Variants in DLG2 observed in about 807,000 individuals in gnomAD.
DLG2 encodes discs large MAGUK scaffold protein 2, also known as disks large homolog 2.
DLG2 carries 45 observed loss-of-function variants against 132.5 expected under a neutral mutation model. The ratio of observed to expected loss-of-function variants is 0.34; its 90% CI spans 0.27 to 0.44. DLG2 has a LOEUF of 0.44. Among genes scored for constraint, DLG2 ranks in the 20% least tolerant of loss-of-function variants. DLG2 has a pLI of 1.00. For missense variants in DLG2, 1,045 were observed against 1,196.9 expected (o/e 0.87, Z 1.87); for synonymous variants, 424 against 419.6 (o/e 1.01, Z -0.13).
chr11:83,717,252 A>C (rs1309075625), intron 18 of DLG2, among the ~76,000 whole-genome samples: 4 of 152,226 alleles, frequency 2.6e-5, no homozygotes, highest in African/African-American at 9.6e-5. Flanking sequence ...ATTAAAAAGC[A>C]ACACTCTGCA....
chr11:84,698,062 T>C (rs2058804055), intron 6 of DLG2, among the ~76,000 whole-genome samples: 1 of 151,546 alleles, frequency 6.6e-6, no homozygotes, highest in African/African-American at 2.4e-5. Context: ...ATTAAACATA[T>C]TTCACTTGAA....
At chr11:83,545,059 G>C (rs1295560052) in intron 19 of DLG2, among the ~76,000 whole-genome samples, 1 of 152,108 alleles carries the variant, frequency 6.6e-6, no homozygotes, top group Non-Finnish European at 1.5e-5. Flanking sequence ...CCTGACTCCA[G>C]GCTCCTTCTG....
chr11:85,480,196 A>G (rs534423181), intron 3 of DLG2, among the ~76,000 whole-genome samples: 1 of 152,366 alleles, frequency 6.6e-6, no homozygotes, highest in Admixed American at 6.5e-5. Flanking sequence ...ACTTTAGAGA[A>G]CATGCAGTAA....
intron 6 of DLG2, among the ~76,000 whole-genome samples, chr11:84,717,306 T>C (rs1410241737): frequency 1.3e-5 from 2 of 152,060 alleles, no homozygotes; most frequent in Non-Finnish European, 2.9e-5. Context: ...GAAATCTGTG[T>C]CTCCATGATT....
At position 85,023,772 on chromosome 11, in the gene DLG2, C is replaced by G. The variant is rs117761031; in HGVS notation, c.357+87889G>C. Among the ~76,000 whole-genome samples, 8 of 151,894 alleles carry G rather than the reference C, an allele frequency of 5.3e-5. No individual in the cohort carries two copies. The South Asian group carries it at 1.7e-3, about 31-fold the overall frequency. ...TAGGATAGAGATATATTTAAAAATA[C>G]TAGTAACTTATTGAGCATCAAAATA... On this transcript the variant is annotated intron_variant, in intron 6 of 27. Coordinates refer to ENST00000376104, the MANE Select transcript of DLG2 (RefSeq NM_001142699.3).
At chr11:85,054,168 G>C (rs937147546) in intron 6 of DLG2, among the ~76,000 whole-genome samples, 1 of 151,782 alleles carries the variant, frequency 6.6e-6, no homozygotes, top group African/African-American at 2.4e-5. Flanking sequence ...GGGAGGCTGA[G>C]GCACGAGAAT....
At chr11:84,714,888 A>G (rs141172995) in intron 6 of DLG2, among the ~76,000 whole-genome samples, 205 of 152,028 alleles carry the variant, frequency 1.3e-3, no homozygotes, top group African/African-American at 4.8e-3. Context: ...CCTTGAACTC[A>G]TCCCTTTCTT....
At chr11:85,188,186 G>A (rs1257076274) in intron 4 of DLG2, among the ~76,000 whole-genome samples, 1 of 152,176 alleles carries the variant, frequency 6.6e-6, no homozygotes, top group Admixed American at 6.5e-5. Flanking sequence ...TCCATCAGTA[G>A]AGGGTGGAAG....
intron 11 of DLG2, among the ~76,000 whole-genome samples, chr11:83,999,474 C>T (rs1050836803): frequency 6.6e-6 from 1 of 152,112 alleles, no homozygotes; most frequent in Admixed American, 6.6e-5. Context: ...GCCAAGTTCC[C>T]AGGGGCCTAA....
chr11:84,196,823 T>C (rs1272558834), intron 8 of DLG2, among the ~76,000 whole-genome samples: 1 of 151,830 alleles, frequency 6.6e-6, no homozygotes, highest in East Asian at 1.9e-4. Context: ...GGTGGATCAT[T>C]TGAAGTCAGG....
chr11:84,069,878 G>A (rs908441137), intron 10 of DLG2, among the ~76,000 whole-genome samples: 4 of 152,214 alleles, frequency 2.6e-5, no homozygotes, highest in Admixed American at 2.6e-4. Context: ...CAAAGTGAGA[G>A]GGTCATGGGA....
At chr11:85,157,854 C>CT (rs1422851338) in intron 4 of DLG2, among the ~76,000 whole-genome samples, 1 of 152,028 alleles carries the variant, frequency 6.6e-6, no homozygotes, top group South Asian at 2.1e-4. Flanking sequence ...TCTGACGAAG[C>CT]TTTTTTTGCC....
At chr11:85,562,550 A>T (rs977084633) in intron 3 of DLG2, among the ~76,000 whole-genome samples, 1 of 151,884 alleles carries the variant, frequency 6.6e-6, no homozygotes, top group African/African-American at 2.4e-5. Flanking sequence ...CAAAGCACAC[A>T]GTTAATAAGT....
At chr11:85,458,636 G>T (rs1413964951) in intron 3 of DLG2, among the ~76,000 whole-genome samples, 2 of 152,150 alleles carry the variant, frequency 1.3e-5, no homozygotes, top group Non-Finnish European at 2.9e-5. Flanking sequence ...GAGGCTTTGT[G>T]CAAGGTCTTA....
intron 6 of DLG2, among the ~76,000 whole-genome samples, chr11:84,962,397 T>C (rs1434156543): frequency 6.6e-6 from 1 of 152,218 alleles, no homozygotes; most frequent in Non-Finnish European, 1.5e-5. Context: ...CACCTTTTAT[T>C]AGGTGGGTAA....
chr11:83,682,406 T>C (rs1430547532), intron 18 of DLG2: 1 of 985,284 alleles, frequency 1.0e-6, no homozygotes, highest in Non-Finnish European at 1.2e-6. Flanking sequence ...TATTTCCTTG[T>C]AACTCATCCT....
chr11:83,681,271 T>C (rs1441658631), intron 18 of DLG2, among the ~76,000 whole-genome samples: 1 of 152,150 alleles, frequency 6.6e-6, no homozygotes, highest in African/African-American at 2.4e-5. Flanking sequence ...CACTTCTCTT[T>C]CCTTCTGAAG....
intron 10 of DLG2, among the ~76,000 whole-genome samples, chr11:84,071,664 A>T (rs1000031943): frequency 1.1e-4 from 16 of 152,194 alleles, no homozygotes; most frequent in African/African-American, 3.9e-4. Context: ...CCATCTTCCA[A>T]CTTATTGCCA....
chr11:83,485,611 G>A (rs1321737614), intron 21 of DLG2, among the ~76,000 whole-genome samples: 1 of 152,148 alleles, frequency 6.6e-6, no homozygotes, highest in South Asian at 2.1e-4. Context: ...GGCAATGGAA[G>A]CTGTTAAGAA....
Sources: gnomAD v4.1 joint callset for allele counts (sites outside exome capture counted in the v4.1 genomes callset) on GRCh38, gnomAD v4.1.1 for gene constraint, MANE v1.5 for transcripts, NCBI Gene and HGNC (gene_info 2026-07-23, HGNC 2026-07-21) for gene names.